The following ATG13 variants were observed in gnomAD, a reference collection of about 807,000 sequenced individuals.
ATG13 encodes the protein autophagy-related protein 13.
A neutral mutation model predicts 65.5 loss-of-function variants in ATG13; 23 were observed. That is an observed-to-expected ratio of 0.35 (90% CI 0.25 to 0.50). The LOEUF is 0.50. Among genes scored for constraint, ATG13 ranks in the 20% least tolerant of loss-of-function variants. The pLI, the probability that ATG13 is intolerant of heterozygous loss-of-function variation, is 0.98. For missense variants in ATG13, 566 were observed against 677.0 expected, an observed-to-expected ratio of 0.84 and a Z score of 1.82; for synonymous variants, 252 against 245.2, an observed-to-expected ratio of 1.03 and a Z score of -0.26.
At chr11:46,667,487 C>T (rs1052775202) in intron 14 of ATG13, among the ~76,000 whole-genome samples, 1 of 152,108 alleles carries the variant, frequency 6.6e-6, no homozygotes, top group Non-Finnish European at 1.5e-5. Flanking sequence ...GGCAATTTGT[C>T]AAGGGTGAAG....
intron 5 of ATG13, among the ~76,000 whole-genome samples, chr11:46,648,501 G>A (rs1159664536): frequency 2.0e-5 from 3 of 151,990 alleles, no homozygotes; most frequent in Admixed American, 6.6e-5. Context: ...AACCTTGGCC[G>A]GGCGCAGTGG....
chr11:46,648,104 C>A (rs1027420425), intron 5 of ATG13, among the ~76,000 whole-genome samples: 1 of 150,674 alleles, frequency 6.6e-6, no homozygotes, highest in Non-Finnish European at 1.5e-5. Flanking sequence ...TTAACCCCAC[C>A]CCCCCCAGCA....
At chr11:46,638,968 C>T (rs561039948) in intron 2 of ATG13, among the ~76,000 whole-genome samples, 33 of 151,716 alleles carry the variant, frequency 2.2e-4, no homozygotes, top group Non-Finnish European at 4.4e-4. Flanking sequence ...CCACCACACT[C>T]GGCTGATTTT....
At chr11:46,622,830 C>G (rs1198770130) in intron 1 of ATG13, among the ~76,000 whole-genome samples, 1 of 152,158 alleles carries the variant, frequency 6.6e-6, no homozygotes, top group Non-Finnish European at 1.5e-5. Context: ...TGACAAAACT[C>G]TGTCATCTTC....
chr11:46,648,838 G>A (rs1416577756), intron 5 of ATG13: 1 of 206,278 alleles, frequency 4.8e-6, no homozygotes, highest in Non-Finnish European at 9.5e-6. Context: ...AAGAATTGGA[G>A]GACTGGTTGG....
chr11:46,634,207 T>C (rs904990960), intron 2 of ATG13, among the ~76,000 whole-genome samples: 2 of 151,868 alleles, frequency 1.3e-5, no homozygotes, highest in African/African-American at 2.4e-5. Context: ...GAGATTCTCC[T>C]GTCTCAGCCT....
rs781274293 is a variant in ATG13 at position 46,659,389 on chromosome 11, T to C, written c.696-3T>C. On this transcript the variant is annotated splice_polypyrimidine_tract_variant and splice_region_variant and intron_variant, in intron 10 of 18. Transcript: ENST00000683050. The stretch of plus-strand genomic sequence containing the variant: ...ATTCATTATTTCTTTCTTTTCACTT[T>C]AGAACTGCTGGTGAGGACACTGGAG... 1 of 1,609,190 alleles carries C rather than the reference T, an allele frequency of 6.2e-7. No homozygotes were observed. Among genetic ancestry groups the C allele is most frequent in the Non-Finnish European group, 8.5e-7 (1 of 1,175,718 alleles).
At chr11:46,623,623 T>C (rs566981137) in intron 1 of ATG13, among the ~76,000 whole-genome samples, 6 of 152,122 alleles carry the variant, frequency 3.9e-5, no homozygotes, top group African/African-American at 1.2e-4. Context: ...AAATGGGGTT[T>C]CACCATGTTG....
rs200746033 is a variant in ATG13, at chr11:46,659,493, G to A, written c.789+8G>A. 1.5e-3 allele frequency: 2,365 copies of A among 1,607,526 alleles called. 5 individuals carry two copies. The highest frequency in any genetic ancestry group is 1.8e-3 in the Non-Finnish European group (2,100 of 1,173,978). ...ACCTCCCCACCATCCCAGGTAGGGG[G>A]AAGCAGGTTCTGGGGTGGTGGTAGT... On this transcript the variant is annotated splice_region_variant and intron_variant, in intron 11 of 18. Transcript: ENST00000683050.
chr11:46,637,490 A>G (rs1159253518), intron 2 of ATG13, among the ~76,000 whole-genome samples: 1 of 152,100 alleles, frequency 6.6e-6, no homozygotes, highest in Non-Finnish European at 1.5e-5. Flanking sequence ...CTCTTGCCCA[A>G]GCCTCCCGAG....
intron 1 of ATG13, among the ~76,000 whole-genome samples, chr11:46,629,649 G>A (rs191847005): frequency 5.9e-4 from 89 of 151,910 alleles, no homozygotes; most frequent in African/African-American, 1.8e-3. Flanking sequence ...CACCCGCTTC[G>A]GCCTCCCAAA....
chr11:46,633,022 A>ATTTTTTT (rs1362633539), intron 2 of ATG13, among the ~76,000 whole-genome samples: 3 of 100,636 alleles, frequency 3.0e-5, no homozygotes, highest in African/African-American at 1.9e-4. Flanking sequence ...ATATATATAT[A>ATTTTTTT]TATATTTTTT....
intron 1 of ATG13, among the ~76,000 whole-genome samples, chr11:46,627,133 C>T (rs1164928933): frequency 6.6e-6 from 1 of 152,162 alleles, no homozygotes; most frequent in African/African-American, 2.4e-5. Flanking sequence ...GTAATCCCAG[C>T]ACTGTGGGAG....
chr11:46,657,002 T>G, intron 8 of ATG13, 93 bp from the exon 9 acceptor site: 1 of 1,061,264 alleles, frequency 9.4e-7, no homozygotes, highest in South Asian at 1.3e-5. Flanking sequence ...TGCCAGAGAT[T>G]ACACAATAGG....
Position 46,617,908 on chromosome 11 carries a change from G to T in ATG13, c.-70+18G>T, listed in dbSNP as rs557923082. The stretch of plus-strand genomic sequence containing the variant: ...CTTCGCAGGTACTAACTTTTGCGGG[G>T]GATACCCCAAGATCTCTCAGCGCCC... On this transcript the variant is annotated intron_variant, in intron 1 of 18. Transcript: ENST00000683050. The T allele has an allele frequency of 1.6e-4, 62 of 399,130 alleles. No individual in the cohort carries two copies. Among genetic ancestry groups the T allele is most frequent in the Middle Eastern group, 1.3e-3 (2 of 1,588 alleles). 24.7% of individuals were successfully genotyped at this position (399,130 alleles called of 1,614,324 possible).
At chr11:46,641,913 T>C (rs1391855692) in intron 2 of ATG13, among the ~76,000 whole-genome samples, 1 of 152,130 alleles carries the variant, frequency 6.6e-6, no homozygotes, top group East Asian at 1.9e-4. Context: ...TAGCTAGGAC[T>C]ACAGGCATGT....
rs370311331 is a variant in ATG13, at chr11:46,664,120, G to T, written c.888+25G>T. ...AGTGAGTCCATAATGGGAAGAAGGG[G>T]ATATAATCAGATGGCATCCTTTTAT... On this transcript the variant is annotated intron_variant, in intron 12 of 18. Transcript: ENST00000683050. 19 of 1,441,620 alleles carry T rather than the reference G, an allele frequency of 1.3e-5. No homozygotes were observed. In the African/African-American group the frequency reaches 2.1e-4, roughly 16 times the overall value. The allele number at this position is 1,441,620 out of a possible 1,614,324, so 89.3% of individuals were successfully genotyped here. A position where few individuals can be genotyped will look rare whatever the true frequency, so the allele number is the denominator to read the frequency against.
intron 11 of ATG13, among the ~76,000 whole-genome samples, chr11:46,663,013 C>T (rs576591358): frequency 2.6e-5 from 4 of 152,200 alleles, no homozygotes; most frequent in Admixed American, 2.0e-4. Flanking sequence ...CACCTGTAAT[C>T]CCAGCACTTT....
At chr11:46,639,626 G>A (rs1225078674) in intron 2 of ATG13, among the ~76,000 whole-genome samples, 1 of 152,156 alleles carries the variant, frequency 6.6e-6, no homozygotes, top group Non-Finnish European at 1.5e-5. Flanking sequence ...CAGGAAACAG[G>A]AGGAACCCTC....
Sources: gnomAD v4.1 joint callset for allele counts (sites outside exome capture counted in the v4.1 genomes callset) on GRCh38, gnomAD v4.1.1 for gene constraint, MANE v1.5 for transcripts, NCBI Gene and HGNC (gene_info 2026-07-23, HGNC 2026-07-21) for gene names.